Variants in UNC93A observed in about 807,000 individuals in gnomAD.
The protein encoded by UNC93A is unc-93 homolog A.
A neutral mutation model predicts 47.5 loss-of-function variants in UNC93A; 43 were observed. The observed-to-expected ratio is 0.91, with a 90% confidence interval of 0.71 to 1.17. UNC93A has a LOEUF of 1.17. UNC93A is among the 50% of genes most tolerant of loss of function. The pLI is 0.00. For missense variants in UNC93A, 605 were observed against 577.6 expected (o/e 1.05, Z -0.49); for synonymous variants, 280 against 258.0 (o/e 1.09, Z -0.82).
chr6:167,307,383 G>C (rs1778425602), intron 6 of UNC93A, among the ~76,000 whole-genome samples: 1 of 152,244 alleles, frequency 6.6e-6, no homozygotes, highest in African/African-American at 2.4e-5. Flanking sequence ...GGAACATTGA[G>C]CATGAAGCAA....
intron 1 of UNC93A, among the ~76,000 whole-genome samples, chr6:167,284,740 G>A (rs1783692595): frequency 6.6e-6 from 1 of 152,252 alleles, no homozygotes; most frequent in African/African-American, 2.4e-5. Context: ...CCATTTTCCT[G>A]AGAAGGGCCC....
upstream of UNC93A, among the ~76,000 whole-genome samples, chr6:167,289,018 T>G (rs930508634): frequency 6.6e-6 from 1 of 152,308 alleles, no homozygotes; most frequent in Non-Finnish European, 1.5e-5. Flanking sequence ...AAGTGGCTAT[T>G]GACACCTTTT....
At chr6:167,274,373 C>T (rs956212018) in intron 1 of UNC93A, among the ~76,000 whole-genome samples, 17 of 152,282 alleles carry the variant, frequency 1.1e-4, no homozygotes, top group African/African-American at 3.4e-4. Flanking sequence ...ACGTTCGGTC[C>T]GTCCTCCCTC....
upstream of UNC93A, among the ~76,000 whole-genome samples, chr6:167,290,599 G>A (rs1783823160): frequency 1.3e-5 from 2 of 152,196 alleles, no homozygotes; most frequent in Non-Finnish European, 2.9e-5. Context: ...CTAGCCACAT[G>A]TGGTTAAATT....
intron 1 of UNC93A, among the ~76,000 whole-genome samples, chr6:167,273,607 C>G (rs1831490): frequency 0.34 from 52,418 of 152,048 alleles, 9,248 homozygotes; most frequent in South Asian, 0.42. Context: ...GCCCGTGACA[C>G]AGTCCTCAGG....
intron 4 of UNC93A, among the ~76,000 whole-genome samples, chr6:167,301,882 T>C (rs1778249830): frequency 6.6e-6 from 1 of 152,160 alleles, no homozygotes; most frequent in African/African-American, 2.4e-5. Context: ...AAATACCCTA[T>C]GGCCTCCTGT....
intron 2 of UNC93A, among the ~76,000 whole-genome samples, chr6:167,295,483 A>C (rs1973896): frequency 0.23 from 11,190 of 48,530 alleles, 1,714 homozygotes; most frequent in African/African-American, 0.4. Flanking sequence ...CTCCCTCGTG[A>C]ACCTCGCCTC....
At chr6:167,299,272 T>C (rs1778176580) in intron 4 of UNC93A, among the ~76,000 whole-genome samples, 2 of 152,040 alleles carry the variant, frequency 1.3e-5, no homozygotes, top group African/African-American at 4.8e-5. Flanking sequence ...GAATGGGTCC[T>C]TCTTAAAGAT....
Position 167,285,171 on chromosome 6 carries a change from C to A in UNC93A, c.-51-6268C>A, listed in dbSNP as rs555811177. On this transcript the variant is annotated intron_variant, in intron 1 of 3. Transcript: ENST00000503433. ...TACCTGCCCGAGAGAGGGTGGCTGA[C>A]CATCTGGGACACCATGCCCAGTCAC... 2.0e-5 allele frequency among the ~76,000 whole-genome samples: 3 copies of A among 151,912 alleles called. No homozygotes were observed. The South Asian group carries it at 6.3e-4, about 32-fold the overall frequency.
intron 1 of UNC93A, among the ~76,000 whole-genome samples, chr6:167,277,737 T>C (rs172283): frequency 0.72 from 108,680 of 151,402 alleles, 39,554 homozygotes; most frequent in African/African-American, 0.85. Context: ...CTATAACTCT[T>C]TCTGTCTCTC....
At chr6:167,296,415 G>A (rs1365099073) in intron 3 of UNC93A, among the ~76,000 whole-genome samples, 154 bp downstream of exon 3, 1 of 152,216 alleles carries the variant, frequency 6.6e-6, no homozygotes, top group East Asian at 1.9e-4. Flanking sequence ...ACCTGCCTGT[G>A]CTTCAGAGTT....
chr6:167,276,532 T>C (rs1783546166), intron 1 of UNC93A, among the ~76,000 whole-genome samples: 1 of 152,202 alleles, frequency 6.6e-6, no homozygotes, highest in Non-Finnish European at 1.5e-5. Flanking sequence ...GGGCAAGAGA[T>C]GTGAGACCCC....
intron 4 of UNC93A, 93 bp from the exon 5 acceptor site, chr6:167,303,826 G>T (rs925863566): frequency 8.0e-7 from 1 of 1,255,918 alleles, no homozygotes; most frequent in Non-Finnish European, 1.1e-6. Context: ...GCCCTCCCTC[G>T]CGAGAGGAGG....
At chr6:167,305,032 G>A (rs1778342690) in intron 5 of UNC93A, among the ~76,000 whole-genome samples, 1 of 152,198 alleles carries the variant, frequency 6.6e-6, no homozygotes, top group Non-Finnish European at 1.5e-5. Context: ...GTTGAGAGCT[G>A]GGGGCCAGAG....
intron 1 of UNC93A, among the ~76,000 whole-genome samples, chr6:167,276,189 T>C (rs892251962): frequency 6.6e-6 from 1 of 152,160 alleles, no homozygotes; most frequent in Admixed American, 6.5e-5. Flanking sequence ...CAGGGTTTTA[T>C]TCCTTTTTAT....
intron 4 of UNC93A, among the ~76,000 whole-genome samples, chr6:167,301,649 G>A (rs1778244138): frequency 6.6e-6 from 1 of 152,180 alleles, no homozygotes; most frequent in Admixed American, 6.5e-5. Context: ...ACAAAGGGGT[G>A]TGGCTTCTGT....
chr6:167,313,628 G>C (rs897665368), intron 7 of UNC93A, among the ~76,000 whole-genome samples: 13 of 152,096 alleles, frequency 8.5e-5, no homozygotes, highest in African/African-American at 3.1e-4. Context: ...CAAAAAGTTA[G>C]CTTAAAATTA....
At chr6:167,307,421 G>T (rs1258243932) in intron 6 of UNC93A, among the ~76,000 whole-genome samples, 1 of 130,674 alleles carries the variant, frequency 7.7e-6, no homozygotes, top group Non-Finnish European at 1.6e-5. Flanking sequence ...GAGGATGGTT[G>T]AGACGGTTGA....
At chr6:167,277,868 T>C (rs1470222656) in intron 1 of UNC93A, among the ~76,000 whole-genome samples, 2 of 152,112 alleles carry the variant, frequency 1.3e-5, no homozygotes, top group Non-Finnish European at 2.9e-5. Flanking sequence ...TCTGTCTCCT[T>C]CTGTCTGTCT....
Sources: allele counts gnomAD v4.1 joint callset (sites outside exome capture counted in the v4.1 genomes callset), GRCh38; gene constraint gnomAD v4.1.1; transcripts MANE v1.5; gene names NCBI Gene and HGNC (gene_info 2026-07-23, HGNC 2026-07-21).